The following TENM3 variants were observed in gnomAD, a reference collection of about 807,000 sequenced individuals.
The protein encoded by TENM3 is teneurin transmembrane protein 3.
A neutral mutation model predicts 255.1 loss-of-function variants in TENM3; 63 were observed. The observed-to-expected ratio is 0.25, with a 90% CI of 0.20 to 0.30. The LOEUF (loss-of-function observed/expected upper bound fraction) is 0.30, where lower values mean the gene tolerates loss of function less well. Among genes scored for constraint, TENM3 ranks in the 10% least tolerant of loss-of-function variants. The probability of loss-of-function intolerance (pLI) is 1.00; values close to 1 mark genes in which losing one functional copy is unlikely to be tolerated. For missense variants in TENM3, 2,929 were observed against 3,461.1 expected, an observed-to-expected ratio of 0.85 and a Z score of 3.86; for synonymous variants, 1,306 against 1,322.3, an observed-to-expected ratio of 0.99 and a Z score of 0.27.
intron 25 of TENM3, among the ~76,000 whole-genome samples, chr4:182,790,782 A>G (rs904214340): frequency 1.3e-5 from 2 of 152,230 alleles, no homozygotes; most frequent in Non-Finnish European, 2.9e-5. Flanking sequence ...AATAACAGAA[A>G]CATACAAGCA....
chr4:181,747,714 T>A, the TENM3 span, among the ~76,000 whole-genome samples: 1 of 152,048 alleles, frequency 6.6e-6, no homozygotes, highest in Admixed American at 6.6e-5. Context: ...TTGTGAGTTT[T>A]ACATCCTTCT....
At chr4:182,528,542 G>T (rs1441347766) in intron 3 of TENM3, among the ~76,000 whole-genome samples, 1 of 152,102 alleles carries the variant, frequency 6.6e-6, no homozygotes. Flanking sequence ...TATCAGCAAA[G>T]ACCTTAAACC....
chr4:182,368,055 C>A (rs1484096815), intron 3 of TENM3, among the ~76,000 whole-genome samples: 2 of 152,154 alleles, frequency 1.3e-5, no homozygotes, highest in Admixed American at 6.5e-5. Flanking sequence ...AAGACCCTAG[C>A]GATTGAATAG....
chr4:182,718,263 T>C (rs1386121906), intron 13 of TENM3, among the ~76,000 whole-genome samples: 3 of 152,096 alleles, frequency 2.0e-5, no homozygotes, highest in Non-Finnish European at 4.4e-5. Flanking sequence ...GAAACTTAGG[T>C]ATATTCATCT....
chr4:181,479,714 T>A, the TENM3 span, among the ~76,000 whole-genome samples: 1 of 152,252 alleles, frequency 6.6e-6, no homozygotes, highest in African/African-American at 2.4e-5. Flanking sequence ...GATAAACATC[T>A]TTTGAACTGT....
At chr4:182,547,921 GA>G (rs1414490034) in intron 3 of TENM3, among the ~76,000 whole-genome samples, 1 of 151,730 alleles carries the variant, frequency 6.6e-6, no homozygotes, top group African/African-American at 2.4e-5. Flanking sequence ...CCATCTCTCT[GA>G]AAAAAAATTC....
At chr4:181,984,765 G>A in the TENM3 span, among the ~76,000 whole-genome samples, 1 of 149,452 alleles carries the variant, frequency 6.7e-6, no homozygotes, top group Admixed American at 6.7e-5. Flanking sequence ...GGCTTTTTAT[G>A]GCTTGCTTTT....
Position 182,346,773 on chromosome 4 carries a change from G to A in TENM3, c.355G>A (p.Asp119Asn). The A allele has an allele frequency of 6.2e-7, 1 of 1,613,608 alleles. No individual in the cohort carries two copies. Among genetic ancestry groups the A allele is most frequent in the African/African-American group, 1.3e-5 (1 of 74,968 alleles). The change falls in exon 3 of 28, where the codon GAT becomes AAT. Residue 119 changes from aspartate (D) to asparagine (N), a missense_variant. By Grantham distance (23) the Asp-to-Asn change is conservative (BLOSUM62 1). Transcript: ENST00000511685. ...CTCTATCAGTGCAGGGTCAGATGCT[G>A]ATACTGAAAATGAAGCAGTGATGTC... ...GYSISAGSDA[D>N]TENEAVMSPE...
At chr4:181,834,610 G>T in the TENM3 span, among the ~76,000 whole-genome samples, 23 of 152,290 alleles carry the variant, frequency 1.5e-4, no homozygotes, top group Non-Finnish European at 2.8e-4. Context: ...CATGGGGCGG[G>T]GGAAGCGGGG....
chr4:182,417,639 A>G (rs1014674361), intron 3 of TENM3, among the ~76,000 whole-genome samples: 1 of 152,198 alleles, frequency 6.6e-6, no homozygotes, highest in Non-Finnish European at 1.5e-5. Context: ...GGGGGAAAAA[A>G]TTGTCAGACT....
the TENM3 span, among the ~76,000 whole-genome samples, chr4:181,692,254 A>C: frequency 2.0e-5 from 3 of 152,322 alleles, no homozygotes; most frequent in East Asian, 5.8e-4. Flanking sequence ...AGCATTCTGC[A>C]AAAGAGTCAC....
At chr4:182,186,695 G>A (rs1264705638) in intron 1 of TENM3, among the ~76,000 whole-genome samples, 1 of 139,628 alleles carries the variant, frequency 7.2e-6, no homozygotes, top group Non-Finnish European at 1.5e-5. Context: ...CAGTGAGATA[G>A]ATGGATTTTT....
At chr4:181,964,721 C>T in the TENM3 span, among the ~76,000 whole-genome samples, 2 of 151,978 alleles carry the variant, frequency 1.3e-5, no homozygotes, top group Non-Finnish European at 2.9e-5. Context: ...GGGACAAGTA[C>T]CAGCAGGGAT....
At chr4:182,294,334 T>G (rs2150339292) in intron 1 of TENM3, among the ~76,000 whole-genome samples, 1 of 152,250 alleles carries the variant, frequency 6.6e-6, no homozygotes, top group South Asian at 2.1e-4. Flanking sequence ...AGGTGGAAGA[T>G]TCTAGGGCCA....
intron 1 of TENM3, among the ~76,000 whole-genome samples, chr4:182,177,744 TC>T (rs1752589449): frequency 6.6e-6 from 1 of 151,808 alleles, no homozygotes; most frequent in Admixed American, 6.6e-5. Context: ...TCCAGGCTGG[TC>T]TTGAACTCCT....
chr4:181,657,257 T>C, the TENM3 span, among the ~76,000 whole-genome samples: 148,391 of 152,330 alleles, frequency 0.97, 72,296 homozygotes, highest in East Asian at 1. Flanking sequence ...CAATACTTTC[T>C]TTGCCTGGGA....
intron 1 of TENM3, among the ~76,000 whole-genome samples, chr4:182,176,821 A>ATTTTTTTTT (rs529637466): frequency 5.3e-5 from 6 of 113,366 alleles, no homozygotes; most frequent in East Asian, 5.5e-4. Flanking sequence ...CATCCGGCTA[A>ATTTTTTTTT]TTTTTTTTTT....
At chr4:182,676,273 T>C (rs564519546) in intron 7 of TENM3, among the ~76,000 whole-genome samples, 1 of 152,352 alleles carries the variant, frequency 6.6e-6, no homozygotes, top group South Asian at 2.1e-4. Context: ...TCCTGGTCAG[T>C]TAGTGGCCTC....
In TENM3 at chr4:182,666,594, G is replaced by T. The variant is rs192260276; in HGVS notation, c.1112-6411G>T. 6.0e-3 allele frequency among the ~76,000 whole-genome samples: 915 copies of T among 152,212 alleles called. 4 individuals are homozygous for T. The highest frequency in any genetic ancestry group is 0.014 in the Middle Eastern group (4 of 294). On this transcript the variant is annotated intron_variant, in intron 6 of 27. Coordinates refer to ENST00000511685, the MANE Select transcript of TENM3 (RefSeq NM_001080477.4). ...AAAATTTTTTAAATTAAGTTTGTAC[G>T]TTGGTTTGTAGAAACCTATTGGCTG... is the stretch of plus-strand genomic sequence containing the variant.
Sources: gnomAD v4.1 joint callset for allele counts (sites outside exome capture counted in the v4.1 genomes callset) on GRCh38, gnomAD v4.1.1 for gene constraint, MANE v1.5 for transcripts, NCBI Gene and HGNC (gene_info 2026-07-23, HGNC 2026-07-21) for gene names.